The following HERC4 variants were observed in gnomAD, a reference collection of about 807,000 sequenced individuals.
HERC4 encodes HECT and RLD domain containing E3 ubiquitin protein ligase 4.
In HERC4, 28 loss-of-function variants were observed where a neutral mutation model predicts 124.3. The observed-to-expected ratio is 0.23, with a 90% CI of 0.17 to 0.31. HERC4 has a LOEUF of 0.31. Ranked by LOEUF, HERC4 falls within the 10% of genes least tolerant of loss-of-function variation. The probability of loss-of-function intolerance (pLI) is 1.00; values close to 1 mark genes in which losing one functional copy is unlikely to be tolerated. For missense variants in HERC4, 713 were observed against 1,229.3 expected (o/e 0.58, Z 6.28); for synonymous variants, 407 against 421.5 (o/e 0.97, Z 0.42).
At chr10:68,013,756 C>G (rs1261059950) in intron 9 of HERC4, among the ~76,000 whole-genome samples, 1 of 152,074 alleles carries the variant, frequency 6.6e-6, no homozygotes, top group Non-Finnish European at 1.5e-5. Flanking sequence ...AAATAGAAAA[C>G]AAAAAACCTC....
chr10:68,018,519 A>G (rs2038401289), intron 8 of HERC4, among the ~76,000 whole-genome samples: 1 of 152,164 alleles, frequency 6.6e-6, no homozygotes, highest in African/African-American at 2.4e-5. Flanking sequence ...ACAATTATAT[A>G]AACACGTTAA....
chr10:67,945,868 C>T (rs547345061), intron 19 of HERC4, among the ~76,000 whole-genome samples: 3 of 150,564 alleles, frequency 2.0e-5, no homozygotes, highest in Non-Finnish European at 4.4e-5. Context: ...AAACATACCA[C>T]CAGAGAAAAG....
intron 6 of HERC4, 73 bp from the exon 7 acceptor site, chr10:68,032,942 CT>C (rs2039284050): frequency 2.5e-6 from 2 of 788,120 alleles, no homozygotes; most frequent in Non-Finnish European, 4.5e-6. Context: ...TCCTCTACAG[CT>C]TGCCAAGCTC....
At chr10:67,998,229 C>A (rs2037009507) in intron 9 of HERC4, among the ~76,000 whole-genome samples, 1 of 150,680 alleles carries the variant, frequency 6.6e-6, no homozygotes, top group South Asian at 2.1e-4. Flanking sequence ...CCCAAAAGTT[C>A]TCAATAAATA....
At chr10:67,943,486 G>A (rs903257825) in intron 19 of HERC4, among the ~76,000 whole-genome samples, 1 of 152,198 alleles carries the variant, frequency 6.6e-6, no homozygotes, top group African/African-American at 2.4e-5. Context: ...GGAACTGGAC[G>A]TACCAATACC....
chr10:67,989,393 C>T (rs1211948890), intron 14 of HERC4, among the ~76,000 whole-genome samples: 1 of 152,010 alleles, frequency 6.6e-6, no homozygotes, highest in Non-Finnish European at 1.5e-5. Context: ...ACAAACACTT[C>T]AATCCTATGA....
At chr10:68,023,004 T>C (rs1245904578) in intron 8 of HERC4, among the ~76,000 whole-genome samples, 1 of 151,056 alleles carries the variant, frequency 6.6e-6, no homozygotes, top group East Asian at 1.9e-4. Flanking sequence ...AAATAGGTAT[T>C]ATAAAAAAAA....
rs377342606 is a variant in HERC4, at chr10:67,956,899, G to A, written c.2004C>T (p.Thr668=). The change falls in exon 17 of 25, where the codon ACC becomes ACT. Residue 668 remains threonine, a synonymous_variant. Coordinates refer to ENST00000373700, the MANE Select transcript of HERC4 (RefSeq NM_015601.4). ...DAQAKTTLLQ[T]DAVLQMQMAI... ...TTACCTGCATCTGTAAGACTGCATC[G>A]GTCTGTAACAGAGTAGTTTTTGCTT... 27 of 1,584,546 alleles carry A rather than the reference G, an allele frequency of 1.7e-5. No individual in the cohort carries two copies. The highest frequency in any genetic ancestry group is 1.6e-4 in the East Asian group (7 of 44,350).
chr10:67,953,574 T>C (rs944978597), intron 19 of HERC4, among the ~76,000 whole-genome samples: 5 of 152,222 alleles, frequency 3.3e-5, no homozygotes, highest in African/African-American at 1.2e-4. Context: ...GATGGGACAA[T>C]ATGAGCATCA....
chr10:68,000,841 C>A (rs1308264985), intron 9 of HERC4, among the ~76,000 whole-genome samples: 1 of 152,106 alleles, frequency 6.6e-6, no homozygotes, highest in African/African-American at 2.4e-5. Flanking sequence ...GTAACAGATT[C>A]TTCTTACAGC....
chr10:67,995,428 T>C (rs1402951007), intron 9 of HERC4: 2 of 187,882 alleles, frequency 1.1e-5, no homozygotes, highest in Admixed American at 6.2e-5. Flanking sequence ...TACTGTCCTC[T>C]TGCTTTTCAA....
intron 7 of HERC4, 35 bp downstream of exon 7, chr10:68,032,743 T>G (rs377141598): frequency 2.0e-6 from 2 of 1,011,556 alleles, no homozygotes; most frequent in Non-Finnish European, 3.1e-6. Context: ...AGAACTATGA[T>G]GAGTAATAAT....
intron 1 of HERC4, among the ~76,000 whole-genome samples, chr10:68,074,359 A>G (rs2041710236): frequency 6.6e-6 from 1 of 152,022 alleles, no homozygotes; most frequent in African/African-American, 2.4e-5. Flanking sequence ...CCATTCCACG[A>G]CCCATCATCC....
In HERC4 at chr10:67,991,206, A is replaced by T; in HGVS notation, c.1272-7T>A. ...AAACGTTCCATCTATCTCACTAAAA[A>T]ATTTAAAAAAGTTTTTTTAATCATA... On this transcript the variant is annotated splice_polypyrimidine_tract_variant and splice_region_variant and intron_variant, in intron 11 of 24. Transcript: ENST00000373700. 3.3e-6 allele frequency: 5 copies of T among 1,508,358 alleles called. No individual in the cohort carries two copies. The East Asian group carries it at 1.2e-4, about 35-fold the overall frequency. The allele number at this position is 1,508,358 out of a possible 1,614,324, so 93.4% of individuals were successfully genotyped here. A position where few individuals can be genotyped will look rare whatever the true frequency, so the allele number is the denominator to read the frequency against.
chr10:67,973,903 T>C (rs1323695797), intron 15 of HERC4, among the ~76,000 whole-genome samples: 1 of 151,628 alleles, frequency 6.6e-6, no homozygotes, highest in Non-Finnish European at 1.5e-5. Flanking sequence ...AAAAATTAGC[T>C]GGGTGCGGTG....
At chr10:68,051,255 A>G (rs2040284303) in intron 3 of HERC4, among the ~76,000 whole-genome samples, 1 of 152,152 alleles carries the variant, frequency 6.6e-6, no homozygotes, top group Non-Finnish European at 1.5e-5. Flanking sequence ...TAATCATTAT[A>G]GTCAACAGTA....
At chr10:67,961,842 G>A (rs1387696416) in intron 16 of HERC4, among the ~76,000 whole-genome samples, 1 of 152,108 alleles carries the variant, frequency 6.6e-6, no homozygotes, top group Non-Finnish European at 1.5e-5. Flanking sequence ...TTCAGAGGAA[G>A]AATATTATTG....
At chr10:67,955,644 G>GCA in intron 17 of HERC4, 1 of 152,724 alleles carries the variant, frequency 6.5e-6, no homozygotes, top group Non-Finnish European at 1.5e-5. Flanking sequence ...GGTGGTGTGT[G>GCA]CCTGTAATCC....
intron 8 of HERC4, among the ~76,000 whole-genome samples, chr10:68,024,675 A>C (rs1296768160): frequency 6.6e-6 from 1 of 152,248 alleles, no homozygotes; most frequent in Non-Finnish European, 1.5e-5. Context: ...TGAAGCTAAT[A>C]GTTGATAAAA....
Sources: allele counts gnomAD v4.1 joint callset (sites outside exome capture counted in the v4.1 genomes callset), GRCh38; gene constraint gnomAD v4.1.1; transcripts MANE v1.5; gene names NCBI Gene and HGNC (gene_info 2026-07-23, HGNC 2026-07-21).